Variants in MECOM observed in about 807,000 individuals in gnomAD.
The protein encoded by MECOM is MDS1 and EVI1 complex locus.
Under a neutral mutation model 116.3 loss-of-function variants are expected in MECOM, and 13 were observed. The observed-to-expected ratio is 0.11, with a 90% confidence interval of 0.07 to 0.18. MECOM has a LOEUF of 0.18. Among genes scored for constraint, MECOM ranks in the 10% least tolerant of loss-of-function variants. MECOM has a pLI of 1.00. For synonymous variants in MECOM, 528 were observed against 535.2 expected, an observed-to-expected ratio of 0.99 and a Z score of 0.19; for missense variants, 1,299 against 1,509.0, an observed-to-expected ratio of 0.86 and a Z score of 2.31.
chr3:169,533,352 C>T (rs1194722614), intron 1 of MECOM, among the ~76,000 whole-genome samples: 2 of 152,110 alleles, frequency 1.3e-5, no homozygotes, highest in East Asian at 1.9e-4. Context: ...GGTGGCATTG[C>T]TACGATTTAT....
intron 1 of MECOM, among the ~76,000 whole-genome samples, chr3:169,465,127 CTTTA>C (rs1316556528): frequency 1.3e-5 from 2 of 152,060 alleles, no homozygotes; most frequent in African/African-American, 2.4e-5. Flanking sequence ...TATATTCGTA[CTTTA>C]TTTAAGTTCC....
chr3:169,161,610 A>G (rs1742856589), intron 2 of MECOM, among the ~76,000 whole-genome samples: 1 of 152,176 alleles, frequency 6.6e-6, no homozygotes. Flanking sequence ...CCCATCTGTG[A>G]TGGTTTTAAA....
chr3:169,165,464 T>C (rs1577226989), intron 2 of MECOM, among the ~76,000 whole-genome samples: 1 of 152,268 alleles, frequency 6.6e-6, no homozygotes, highest in East Asian at 1.9e-4. Context: ...GAGATCATGT[T>C]TAAAGCACCT....
chr3:169,445,638 G>A (rs1343254446), intron 1 of MECOM, among the ~76,000 whole-genome samples: 1 of 152,160 alleles, frequency 6.6e-6, no homozygotes, highest in Non-Finnish European at 1.5e-5. Context: ...ACTTTCTAGT[G>A]GAGCTGTGAG....
intron 8 of MECOM, among the ~76,000 whole-genome samples, chr3:169,115,097 T>C (rs1678565691): frequency 6.6e-6 from 1 of 152,184 alleles, no homozygotes; most frequent in African/African-American, 2.4e-5. Context: ...TAAATATGAC[T>C]TTCCCATATT....
intron 5 of MECOM, among the ~76,000 whole-genome samples, chr3:169,123,087 T>C (rs1003411494): frequency 3.3e-5 from 5 of 151,742 alleles, no homozygotes; most frequent in African/African-American, 1.2e-4. Flanking sequence ...CTCACTTAAT[T>C]GAAACACAAT....
chr3:169,428,193 CTTCCAGACT>C (rs1401525283), intron 1 of MECOM, among the ~76,000 whole-genome samples: 14 of 152,182 alleles, frequency 9.2e-5, no homozygotes, highest in South Asian at 8.3e-4. Flanking sequence ...TGATCTTGGA[CTTCCAGACT>C]TCAGAACTTC....
intron 1 of MECOM, among the ~76,000 whole-genome samples, chr3:169,418,125 CAA>C (rs568727385): frequency 8.5e-6 from 1 of 118,138 alleles, no homozygotes. Context: ...AAAAACTAAA[CAA>C]AAAAAAAAAA....
At chr3:169,485,903 G>A (rs1456009454) in intron 1 of MECOM, among the ~76,000 whole-genome samples, 1 of 116,282 alleles carries the variant, frequency 8.6e-6, no homozygotes, top group Admixed American at 9.3e-5. Context: ...AGTATATATA[G>A]TATATATGTA....
chr3:169,456,351 G>A (rs1291142041), intron 1 of MECOM, among the ~76,000 whole-genome samples: 3 of 152,194 alleles, frequency 2.0e-5, no homozygotes, highest in African/African-American at 7.2e-5. Context: ...TTCATTTGCA[G>A]CAGAAGTGGG....
At chr3:169,596,550 A>T (rs1427789133) in intron 1 of MECOM, among the ~76,000 whole-genome samples, 1 of 152,198 alleles carries the variant, frequency 6.6e-6, no homozygotes, top group Non-Finnish European at 1.5e-5. Flanking sequence ...CGTACAAGTG[A>T]TTATATCACA....
At chr3:169,260,132 T>C (rs1007990323) in intron 2 of MECOM, among the ~76,000 whole-genome samples, 3 of 152,214 alleles carry the variant, frequency 2.0e-5, no homozygotes, top group Non-Finnish European at 4.4e-5. Flanking sequence ...TGGGTATTAA[T>C]AGGTTCGTGT....
At chr3:169,279,808 G>A (rs551464875) in intron 2 of MECOM, among the ~76,000 whole-genome samples, 5 of 152,170 alleles carry the variant, frequency 3.3e-5, no homozygotes, top group African/African-American at 7.2e-5. Flanking sequence ...TAACAAAAAC[G>A]AATACTGATG....
chr3:169,236,806 C>T (rs1235315319), intron 2 of MECOM, among the ~76,000 whole-genome samples: 1 of 152,192 alleles, frequency 6.6e-6, no homozygotes, highest in East Asian at 1.9e-4. Context: ...GGTTAAGAAC[C>T]TTTGACTTTG....
intron 1 of MECOM, among the ~76,000 whole-genome samples, chr3:169,562,971 G>A (rs562085801): frequency 6.6e-5 from 10 of 151,480 alleles, no homozygotes; most frequent in African/African-American, 2.2e-4. Context: ...GGCTGAGGCA[G>A]GAGAATTGCT....
intron 1 of MECOM, among the ~76,000 whole-genome samples, chr3:169,508,161 A>C (rs1053488854): frequency 1.3e-5 from 2 of 152,218 alleles, no homozygotes; most frequent in African/African-American, 4.8e-5. Flanking sequence ...TAATTCAAGA[A>C]GGGTCCCTCC....
In MECOM at chr3:169,294,695, C is replaced by T. The variant is rs561593130; in HGVS notation, c.375+86492G>A. On this transcript the variant is annotated intron_variant, in intron 2 of 16. Coordinates refer to ENST00000651503, the MANE Select transcript of MECOM (RefSeq NM_004991.4). ...GGATCCCAGCCCCAGCTCTAAGGAG[C>T]TTATTGGACAATGATGAATCTAAAA... 5.9e-5 allele frequency among the ~76,000 whole-genome samples: 9 copies of T among 152,304 alleles called. No homozygotes were observed. The South Asian group carries it at 1.5e-3, about 25-fold the overall frequency.
At chr3:169,516,644 ATTT>A (rs1047124645) in intron 1 of MECOM, among the ~76,000 whole-genome samples, 6 of 152,136 alleles carry the variant, frequency 3.9e-5, no homozygotes, top group Non-Finnish European at 7.4e-5. Context: ...CAGACCCAAG[ATTT>A]TAGCTTGGGT....
intron 2 of MECOM, among the ~76,000 whole-genome samples, chr3:169,297,924 G>A (rs1715945965): frequency 6.6e-6 from 1 of 152,196 alleles, no homozygotes; most frequent in South Asian, 2.1e-4. Context: ...AGTAGGAGAA[G>A]TGCCTAACAT....
Sources: gnomAD v4.1 joint callset for allele counts (sites outside exome capture counted in the v4.1 genomes callset) on GRCh38, gnomAD v4.1.1 for gene constraint, MANE v1.5 for transcripts, NCBI Gene and HGNC (gene_info 2026-07-23, HGNC 2026-07-21) for gene names.